Variants in HECW1 observed in about 807,000 individuals in gnomAD.
HECW1 encodes the protein HECT, C2 and WW domain containing E3 ubiquitin protein ligase 1, also known as E3 ubiquitin-protein ligase HECW1.
In HECW1, 61 loss-of-function variants were observed where a neutral mutation model predicts 182.3. That is an observed-to-expected ratio of 0.33 (90% CI 0.27 to 0.41). HECW1 has a LOEUF of 0.41. HECW1 is among the 10% of genes least tolerant of loss of function. The pLI is 1.00. For missense variants in HECW1, 1,739 were observed against 2,108.9 expected (o/e 0.82, Z 3.44); for synonymous variants, 859 against 832.6 (o/e 1.03, Z -0.55).
At chr7:43,340,554 C>G (rs1223111567) in intron 5 of HECW1, among the ~76,000 whole-genome samples, 1 of 151,370 alleles carries the variant, frequency 6.6e-6, no homozygotes, top group African/African-American at 2.5e-5. Context: ...AGCAATAGCC[C>G]CAGGGATCAA....
chr7:43,119,758 T>C (rs1357615583), intron 2 of HECW1, among the ~76,000 whole-genome samples: 1 of 152,174 alleles, frequency 6.6e-6, no homozygotes, highest in Non-Finnish European at 1.5e-5. Context: ...GTCCTTTCAG[T>C]TGTTCAGGTC....
intron 2 of HECW1, among the ~76,000 whole-genome samples, chr7:43,131,915 G>A (rs1385374337): frequency 6.6e-6 from 1 of 152,156 alleles, no homozygotes; most frequent in East Asian, 1.9e-4. Flanking sequence ...TCTTATGACC[G>A]AGGATTGAAA....
intron 12 of HECW1, among the ~76,000 whole-genome samples, chr7:43,455,770 C>G (rs1584959988): frequency 6.9e-6 from 1 of 144,850 alleles, no homozygotes; most frequent in South Asian, 2.3e-4. Flanking sequence ...GTGGGAAGAT[C>G]ACCTGAGGTC....
intron 6 of HECW1, among the ~76,000 whole-genome samples, chr7:43,380,130 G>A (rs187487794): frequency 1.4e-4 from 22 of 152,334 alleles, no homozygotes; most frequent in Admixed American, 1.3e-4. Flanking sequence ...CAGGTTCACT[G>A]CAACTTTGAC....
chr7:43,433,588 A>G (rs1007663391), intron 8 of HECW1, among the ~76,000 whole-genome samples: 6 of 152,250 alleles, frequency 3.9e-5, no homozygotes, highest in African/African-American at 1.4e-4. Context: ...TACCATATGC[A>G]TCATTCTTGC....
Position 43,444,467 on chromosome 7 carries a change from C to T in HECW1, c.1295C>T (p.Ser432Phe). ...ITEAGDQGMV[S>F]VGPEGAGELL... ...GAGGCAGGAGACCAGGGCATGGTCT[C>T]TGTGGGACCTGAAGGGGCTGGGGAG... Residue 432 changes from serine (S) to phenylalanine (F), a missense_variant, in exon 11 of 30, where the codon TCT becomes TTT. Physicochemically the swap from Ser to Phe is radical, Grantham distance 155 (BLOSUM62 -2). Around this residue, in one of 5 missense-constraint regions of HECW1, gnomAD observed 971 missense variants for 1,029.1 expected, o/e 0.94. Coordinates refer to ENST00000395891, the MANE Select transcript of HECW1 (RefSeq NM_015052.5). The surrounding 1 kb of genome is among the most constrained non-coding windows in gnomAD (Gnocchi z 4.3). 1.2e-6 allele frequency: 2 copies of T among 1,613,434 alleles called. No individual in the cohort carries two copies. Among genetic ancestry groups the T allele is most frequent in the Non-Finnish European group, 1.7e-6 (2 of 1,179,746 alleles).
At chr7:43,515,460 G>A (rs769296710) in intron 24 of HECW1, among the ~76,000 whole-genome samples, 1 of 152,140 alleles carries the variant, frequency 6.6e-6, no homozygotes, top group Non-Finnish European at 1.5e-5. Flanking sequence ...TCAAAATAGG[G>A]CAGAAGCAGT....
Position 43,563,293 on chromosome 7 carries a change from CA to C in HECW1, c.*1368del, listed in dbSNP as rs2082257440. 4.7e-6 allele frequency: 1 copy of C among 211,108 alleles called. No individual in the cohort carries two copies. The allele number at this position is 211,108 out of a possible 1,614,324, so 13.1% of individuals were successfully genotyped here. A position where few individuals can be genotyped will look rare whatever the true frequency, so the allele number is the denominator to read the frequency against. On this transcript the variant is annotated 3_prime_UTR_variant, in exon 30 of 30. Coordinates refer to ENST00000395891, the MANE Select transcript of HECW1 (RefSeq NM_015052.5). ...GAAAAACAGCTGCAGGCTCCAAAGACAGCCTAACCTCTCAACTACATTTGAA... is the reference window on the plus strand; with the variant it reads ...GAAAAACAGCTGCAGGCTCCAAAGACGCCTAACCTCTCAACTACATTTGAA...
At chr7:43,425,414 T>G (rs912531646) in intron 8 of HECW1, among the ~76,000 whole-genome samples, 1 of 152,162 alleles carries the variant, frequency 6.6e-6, no homozygotes, top group Non-Finnish European at 1.5e-5. Context: ...AACCTTCTGG[T>G]CACTTGTATT....
intron 3 of HECW1, among the ~76,000 whole-genome samples, chr7:43,286,589 T>G (rs989833903): frequency 2.0e-5 from 3 of 152,218 alleles, no homozygotes; most frequent in African/African-American, 7.2e-5. Context: ...TATTATTTTT[T>G]CTTTACTACT....
intron 2 of HECW1, among the ~76,000 whole-genome samples, chr7:43,206,867 C>T (rs1189120157): frequency 6.6e-6 from 1 of 152,136 alleles, no homozygotes; most frequent in Non-Finnish European, 1.5e-5. Context: ...AAAACTCTCT[C>T]GGTCTTTGTT....
At chr7:43,216,703 G>A (rs571540718) in intron 2 of HECW1, among the ~76,000 whole-genome samples, 1 of 151,778 alleles carries the variant, frequency 6.6e-6, no homozygotes, top group Non-Finnish European at 1.5e-5. Flanking sequence ...CCCCCAGGCT[G>A]GAGTACAGTG....
intron 3 of HECW1, among the ~76,000 whole-genome samples, chr7:43,268,750 G>A (rs931755395): frequency 6.8e-5 from 10 of 147,184 alleles, no homozygotes; most frequent in Admixed American, 4.1e-4. Context: ...CTCCTGACCT[G>A]TGTTTTGTTG....
At chr7:43,189,919 T>C (rs994154317) in intron 2 of HECW1, among the ~76,000 whole-genome samples, 2 of 152,168 alleles carry the variant, frequency 1.3e-5, no homozygotes, top group Non-Finnish European at 2.9e-5. Context: ...ATCTCGGGGC[T>C]TTTTGTGTAT....
At chr7:43,344,555 T>A (rs1813431767) in intron 5 of HECW1, among the ~76,000 whole-genome samples, 1 of 152,136 alleles carries the variant, frequency 6.6e-6, no homozygotes, top group Non-Finnish European at 1.5e-5. Flanking sequence ...TTGTTCCTTT[T>A]GGATTCATAG....
chr7:43,410,102 C>T (rs1017504205), intron 8 of HECW1, among the ~76,000 whole-genome samples: 1 of 152,208 alleles, frequency 6.6e-6, no homozygotes, highest in Non-Finnish European at 1.5e-5. Context: ...GTTAAAGCCT[C>T]AAGTCCAAAT....
At chr7:43,133,185 C>A (rs557375176) in intron 2 of HECW1, among the ~76,000 whole-genome samples, 2 of 151,730 alleles carry the variant, frequency 1.3e-5, no homozygotes, top group Non-Finnish European at 2.9e-5. Flanking sequence ...TTTTTCAATT[C>A]TGTGATGACT....
In HECW1 at chr7:43,445,211, C is replaced by T; in HGVS notation, c.2039C>T (p.Pro680Leu). ...CEGCDASCCS[P>L]SCYSSSCYST... ...GGCTGTGACGCGTCCTGCTGCAGCC[C>T]CTCGTGCTACAGCTCCTCGTGCTAC... Residue 680 changes from proline (P) to leucine (L), a missense_variant, in exon 11 of 30, where the codon CCC becomes CTC. This residue lies in a region of HECW1 where 971 missense variants were observed against 1,029.1 expected (regional missense o/e 0.94). Transcript: ENST00000395891. The T allele has an allele frequency of 6.2e-7, 1 of 1,613,362 alleles. No individual in the cohort carries two copies. Among genetic ancestry groups the T allele is most frequent in the Non-Finnish European group, 8.5e-7 (1 of 1,179,850 alleles).
At chr7:43,194,829 G>A (rs1036885961) in intron 2 of HECW1, among the ~76,000 whole-genome samples, 1 of 152,060 alleles carries the variant, frequency 6.6e-6, no homozygotes, top group African/African-American at 2.4e-5. Context: ...AAGTAGCTGG[G>A]ATTACAGGCG....
Sources: allele counts gnomAD v4.1 joint callset (sites outside exome capture counted in the v4.1 genomes callset), GRCh38; gene constraint gnomAD v4.1.1; regional missense constraint gnomAD v4.1.1; non-coding constraint Gnocchi (gnomAD v3.1); transcripts MANE v1.5; gene names NCBI Gene and HGNC (gene_info 2026-07-23, HGNC 2026-07-21).